Variants in ICAM5 observed in about 807,000 individuals in gnomAD.
ICAM5 encodes the protein ICAM-5.
A neutral mutation model predicts 78.8 loss-of-function variants in ICAM5; 38 were observed. That is an observed-to-expected ratio of 0.48 (90% confidence interval 0.37 to 0.63). ICAM5 has a LOEUF of 0.63. Ranked by LOEUF, ICAM5 falls within the 30% of genes least tolerant of loss-of-function variation. The pLI is 0.00. For missense variants in ICAM5, 1,059 were observed against 1,303.0 expected, an observed-to-expected ratio of 0.81 and a Z score of 2.88; for synonymous variants, 544 against 590.9, an observed-to-expected ratio of 0.92 and a Z score of 1.15.
In ICAM5 at chr19:10,294,038, AG is replaced by A. The variant is rs1365111308; in HGVS notation, c.1712-1del. On this transcript the variant is annotated splice_acceptor_variant, in intron 7 of 10. Coordinates refer to ENST00000221980, the MANE Select transcript of ICAM5 (RefSeq NM_003259.4). LOFTEE classifies it high-confidence loss of function. The surrounding 1 kb of genome is among the most constrained non-coding windows in gnomAD (Gnocchi z 7.7). Reference sequence around the variant, plus strand: ...GTGAGCCCCTGCAATCCTGTTTCCCAGATGGCCCCAGGTTTGAGGAGCCGAG... The same window carrying A: ...GTGAGCCCCTGCAATCCTGTTTCCCAATGGCCCCAGGTTTGAGGAGCCGAG... The A allele has an allele frequency of 6.3e-7, 1 of 1,581,102 alleles. No individual in the cohort carries two copies. The highest frequency in any genetic ancestry group is 8.6e-7 in the Non-Finnish European group (1 of 1,161,294).
Position 10,291,763 on chromosome 19 carries a change from G to A in ICAM5, c.627G>A (p.Leu209=). Residue 209 remains leucine (L), a synonymous_variant, in exon 3 of 11, where the codon CTG becomes CTA. Transcript: ENST00000221980. Reference sequence around the variant, plus strand: ...AGCTGGACCTGCGGCCGCACGGACTGGGACTGTTTGAAAACAGCTCGGCCC... The same window carrying A: ...AGCTGGACCTGCGGCCGCACGGACTAGGACTGTTTGAAAACAGCTCGGCCC... ...RAELDLRPHG[L]GLFENSSAPR... is the part of the protein sequence containing the mutation. 6.2e-7 allele frequency: 1 copy of A among 1,612,548 alleles called. No individual in the cohort carries two copies. The highest frequency in any genetic ancestry group is 8.5e-7 in the Non-Finnish European group (1 of 1,179,932).
Position 10,292,277 on chromosome 19 carries a change from C to T in ICAM5, c.916C>T (p.Leu306=). 6.2e-7 allele frequency: 1 copy of T among 1,612,140 alleles called. No individual in the cohort carries two copies. Among genetic ancestry groups the T allele is most frequent in the Non-Finnish European group, 8.5e-7 (1 of 1,179,624 alleles). The change falls in exon 4 of 11, where the codon CTG becomes TTG. Residue 306 remains leucine (L), a synonymous_variant. Coordinates refer to ENST00000221980, the MANE Select transcript of ICAM5 (RefSeq NM_003259.4). ...GARQLVCNVT[L]GGENRETREN... ...CAGGCAGCTGGTCTGCAACGTCACC[C>T]TGGGGGGCGAAAACCGGGAGACCCG... is the stretch of plus-strand genomic sequence containing the variant.
At position 10,290,764 on chromosome 19, in the gene ICAM5, G is replaced by C; in HGVS notation, c.83-308G>C. The C allele has an allele frequency of 2.1e-6, 1 of 482,410 alleles. No homozygotes were observed. The highest frequency in any genetic ancestry group is 2.0e-5 in the African/African-American group (1 of 50,684). 29.9% of individuals were successfully genotyped at this position (482,410 alleles called of 1,614,324 possible). On this transcript the variant is annotated intron_variant, in intron 1 of 10. Transcript: ENST00000221980. The surrounding 1 kb of genome is among the most constrained non-coding windows in gnomAD (Gnocchi z 5.7). ...TCCCGGGTCCCCTTCTCTCAGCCTT[G>C]CTGTGTTCATCCAAGAACCCACCTT...
rs2040212893 is a variant in ICAM5 at position 10,295,497 on chromosome 19, C to A, written c.2382C>A (p.Ser794Arg). ...PPGALNIGLS[S>R]NNSTLSVAGA... is the part of the protein sequence containing the mutation. The stretch of plus-strand genomic sequence containing the variant: ...GGGCCCTCAACATCGGCCTGTCGAG[C>A]AACAACAGCACACTGAGCGTGGCAG... Residue 794 changes from serine to arginine, a missense_variant, in exon 10 of 11, where the codon AGC (serine) becomes AGA (arginine). Around this residue, in one of 3 missense-constraint regions of ICAM5, gnomAD observed 135 missense variants for 230.2 expected, o/e 0.59. Transcript: ENST00000221980. 1 of 1,569,010 alleles carries A rather than the reference C, an allele frequency of 6.4e-7. No individual in the cohort carries two copies. The highest frequency in any genetic ancestry group is 1.4e-5 in the African/African-American group (1 of 73,550).
intron 9 of ICAM5, 97 bp from the exon 10 acceptor site, chr19:10,295,249 C>T: frequency 7.5e-7 from 1 of 1,328,938 alleles, no homozygotes; most frequent in East Asian, 2.7e-5. Context: ...CCATCAGAGG[C>T]GCGGTGGTCT....
chr19:10,292,123 G>A lies in ICAM5; in HGVS notation c.762G>A (p.Leu254=), dbSNP rs561349727. 1.2e-6 allele frequency: 2 copies of A among 1,613,438 alleles called. No homozygotes were observed. The highest frequency in any genetic ancestry group is 1.7e-5 in the Admixed American group (1 of 60,020). Residue 254 remains leucine (L), a synonymous_variant, in exon 4 of 11, where the codon CTG becomes CTA. Transcript: ENST00000221980. ...CCGTGAGCTGCACTCTGGACGGACTGTTTCCAGCCTCAGAGGCCAGGGTCT... is the reference window on the plus strand; with the variant it reads ...CCGTGAGCTGCACTCTGGACGGACTATTTCCAGCCTCAGAGGCCAGGGTCT... ...ERPVSCTLDG[L]FPASEARVYL... is the part of the protein sequence containing the mutation.
At position 10,290,295 on chromosome 19, in the gene ICAM5, G is replaced by A. The variant is rs996482814; in HGVS notation, c.82+170G>A. The A allele has an allele frequency of 8.5e-5, 46 of 538,404 alleles. No homozygotes were observed. The African/African-American group carries it at 8.8e-4, about 10-fold the overall frequency. The allele number at this position is 538,404 out of a possible 1,614,324, so 33.4% of individuals were successfully genotyped here. Reference sequence around the variant, plus strand: ...CCCCTCCTCCCCAACACACACCCGAGCCCCAGCTTCCTGACTCCTCGATAG... The same window carrying A: ...CCCCTCCTCCCCAACACACACCCGAACCCCAGCTTCCTGACTCCTCGATAG... On this transcript the variant is annotated intron_variant, in intron 1 of 10. Transcript: ENST00000221980. The surrounding 1 kb of genome is among the most constrained non-coding windows in gnomAD (Gnocchi z 5.7).
intron 9 of ICAM5, among the ~76,000 whole-genome samples, chr19:10,295,105 C>T (rs1176992665): frequency 6.6e-6 from 1 of 152,234 alleles, no homozygotes; most frequent in Non-Finnish European, 1.5e-5. Context: ...CGGCCCTCCT[C>T]AAATCCTGGA....
At position 10,290,006 on chromosome 19, in the gene ICAM5, G is replaced by T; in HGVS notation, c.-38G>T. On this transcript the variant is annotated 5_prime_UTR_variant, in exon 1 of 11. Transcript: ENST00000221980. This position sits in a 1 kb window ranked among gnomAD's most constrained non-coding sequence, Gnocchi z 5.7. ...GTCCTCTAGCCCAGCTCCTCGGCTC[G>T]CGCTCTCCTCGCCTCCTGTGCTTTC... 6.6e-7 allele frequency: 1 copy of T among 1,509,908 alleles called. No homozygotes were observed. 93.5% of individuals were successfully genotyped at this position (1,509,908 alleles called of 1,614,324 possible). A position where few individuals can be genotyped will look rare whatever the true frequency, so the allele number is the denominator to read the frequency against.
chr19:10,293,969 G>A lies in ICAM5; in HGVS notation c.1711+26G>A, dbSNP rs780458607. The A allele has an allele frequency of 6.2e-7, 1 of 1,606,908 alleles. No homozygotes were observed. Among genetic ancestry groups the A allele is most frequent in the Non-Finnish European group, 8.5e-7 (1 of 1,174,906 alleles). On this transcript the variant is annotated intron_variant, in intron 7 of 10. Transcript: ENST00000221980. This position sits in a 1 kb window ranked among gnomAD's most constrained non-coding sequence, Gnocchi z 5.0. ...GTGAGTAGGGGCACCGCGGAGTTAGGCAGGATCTGTGGGACAACCCCGGCT... is the reference window on the plus strand; with the variant it reads ...GTGAGTAGGGGCACCGCGGAGTTAGACAGGATCTGTGGGACAACCCCGGCT...
rs1001971499 is a variant in ICAM5, at chr19:10,290,906, C to T, written c.83-166C>T. The T allele has an allele frequency of 4.9e-6, 4 of 815,496 alleles. No homozygotes were observed. In the African/African-American group the frequency reaches 6.9e-5, roughly 14 times the overall value. 50.5% of individuals were successfully genotyped at this position (815,496 alleles called of 1,614,324 possible). A position where few individuals can be genotyped will look rare whatever the true frequency, so the allele number is the denominator to read the frequency against. On this transcript the variant is annotated intron_variant, in intron 1 of 10. Transcript: ENST00000221980. The surrounding 1 kb of genome is among the most constrained non-coding windows in gnomAD (Gnocchi z 5.7). Reference sequence around the variant, plus strand: ...CCTCGAGGTTTAGACTCTGGGAGTGCGCCTTTAAACCGGAGGCCTGGGCAG... The same window carrying T: ...CCTCGAGGTTTAGACTCTGGGAGTGTGCCTTTAAACCGGAGGCCTGGGCAG...
intron 10 of ICAM5, 140 bp downstream of exon 10, chr19:10,295,752 C>T: frequency 9.7e-7 from 1 of 1,027,234 alleles, no homozygotes; most frequent in Non-Finnish European, 1.4e-6. Flanking sequence ...GTCAAAGGTG[C>T]CTTAGCGGGT....
chr19:10,292,723 C>T lies in ICAM5; in HGVS notation c.1073C>T (p.Pro358Leu). The T allele has an allele frequency of 6.2e-7, 1 of 1,613,398 alleles. No homozygotes were observed. Among genetic ancestry groups the T allele is most frequent in the Non-Finnish European group, 8.5e-7 (1 of 1,179,962 alleles). ...AQALVTLEGV[P>L]AAVPGQPAQL... ...GCTCTGGTCACACTGGAGGGAGTTC[C>T]AGCCGCGGTCCCGGGGCAGCCCGCC... Residue 358 changes from proline to leucine, a missense_variant, in exon 5 of 11, where the codon CCA becomes CTA. By Grantham distance (98) the Pro-to-Leu change is moderately conservative. Coordinates refer to ENST00000221980, the MANE Select transcript of ICAM5 (RefSeq NM_003259.4).
Position 10,292,111 on chromosome 19 carries a change from T to C in ICAM5, c.750T>C (p.Thr250=). ...GCTCGGAAAGGCCCGTGAGCTGCAC[T>C]CTGGACGGACTGTTTCCAGCCTCAG... The part of the protein sequence containing the change: ...EVGSERPVSC[T]LDGLFPASEA... The change falls in exon 4 of 11, where the codon ACT becomes ACC. Residue 250 remains threonine, a synonymous_variant. Coordinates refer to ENST00000221980, the MANE Select transcript of ICAM5 (RefSeq NM_003259.4). 2 of 1,613,352 alleles carry C rather than the reference T, an allele frequency of 1.2e-6. No homozygotes were observed. Among genetic ancestry groups the C allele is most frequent in the Non-Finnish European group, 1.7e-6 (2 of 1,180,014 alleles).
chr19:10,295,269 C>T, intron 9 of ICAM5, 77 bp from the exon 10 acceptor site: 1 of 1,411,280 alleles, frequency 7.1e-7, no homozygotes. Flanking sequence ...TCCCATCGAT[C>T]GTTGTGGGCC....
rs1382831344 is a variant in ICAM5 at position 10,295,348 on chromosome 19, C to T, written c.2233C>T (p.Arg745Trp). The change falls in exon 10 of 11, where the codon CGG becomes TGG. Residue 745 changes from arginine (R) to tryptophan (W), a missense_variant and splice_region_variant. Arg to Trp is a moderately radical substitution (Grantham distance 101, BLOSUM62 -3). This residue lies in a region of ICAM5 where 135 missense variants were observed against 230.2 expected (regional missense o/e 0.59). Transcript: ENST00000221980. ...SRTVTVGVEYRPVVAELAASP... is the reference protein window; with the variant it reads ...SRTVTVGVEYWPVVAELAASP... ...ACTTCACCTTCTGTGCCCTTCAGAC[C>T]GGCCAGTGGTGGCCGAACTTGCTGC... 2 of 1,548,418 alleles carry T rather than the reference C, an allele frequency of 1.3e-6. No individual in the cohort carries two copies. Among genetic ancestry groups the T allele is most frequent in the Non-Finnish European group, 1.7e-6 (2 of 1,152,360 alleles).
Position 10,290,062 on chromosome 19 carries a change from G to C in ICAM5, c.19G>C (p.Gly7Arg). MPGPSP[G>R]LRRALLGLWA... The stretch of plus-strand genomic sequence containing the variant: ...CGCGGCGATGCCAGGGCCTTCGCCA[G>C]GGCTGCGCCGGGCGCTACTCGGCCT... Residue 7 changes from glycine to arginine, a missense_variant, in exon 1 of 11, where the codon GGG becomes CGG. Around this residue, in one of 3 missense-constraint regions of ICAM5, gnomAD observed 815 missense variants for 952.8 expected, o/e 0.86. Transcript: ENST00000221980. The surrounding 1 kb of genome is among the most constrained non-coding windows in gnomAD (Gnocchi z 5.7). 6.5e-7 allele frequency: 1 copy of C among 1,542,378 alleles called. No homozygotes were observed.
At position 10,293,972 on chromosome 19, in the gene ICAM5, G is replaced by A. The variant is rs1201588154; in HGVS notation, c.1711+29G>A. The A allele has an allele frequency of 1.2e-6, 2 of 1,604,960 alleles. No individual in the cohort carries two copies. Among genetic ancestry groups the A allele is most frequent in the Non-Finnish European group, 1.7e-6 (2 of 1,173,620 alleles). Reference sequence around the variant, plus strand: ...AGTAGGGGCACCGCGGAGTTAGGCAGGATCTGTGGGACAACCCCGGCTGGA... The same window carrying A: ...AGTAGGGGCACCGCGGAGTTAGGCAAGATCTGTGGGACAACCCCGGCTGGA... On this transcript the variant is annotated intron_variant, in intron 7 of 10. Coordinates refer to ENST00000221980, the MANE Select transcript of ICAM5 (RefSeq NM_003259.4). This position sits in a 1 kb window ranked among gnomAD's most constrained non-coding sequence, Gnocchi z 5.0.
At position 10,293,084 on chromosome 19, in the gene ICAM5, G is replaced by A. The variant is rs749284253; in HGVS notation, c.1303G>A (p.Gly435Arg). 1 of 1,610,294 alleles carries A rather than the reference G, an allele frequency of 6.2e-7. No individual in the cohort carries two copies. ...GCAGACGCTGCGCTGCGAGGCCCGC[G>A]GGAACCCAGAACCCTCAGTGCACTG... is the stretch of plus-strand genomic sequence containing the variant. ...PEQTLRCEAR[G>R]NPEPSVHCAR... The change falls in exon 6 of 11, where the codon GGG becomes AGG. Residue 435 changes from glycine to arginine, a missense_variant. Coordinates refer to ENST00000221980, the MANE Select transcript of ICAM5 (RefSeq NM_003259.4). The surrounding 1 kb of genome is among the most constrained non-coding windows in gnomAD (Gnocchi z 5.0).
Sources: gnomAD v4.1 joint callset for allele counts (sites outside exome capture counted in the v4.1 genomes callset) on GRCh38, gnomAD v4.1.1 for gene constraint, gnomAD v4.1.1 regional missense constraint, Gnocchi (gnomAD v3.1) non-coding constraint, MANE v1.5 for transcripts, NCBI Gene and HGNC (gene_info 2026-07-23, HGNC 2026-07-21) for gene names.